VPS13A: variants seen among roughly 807,000 people sequenced by gnomAD.
VPS13A encodes the protein vacuolar protein sorting 13 homolog A.
A neutral mutation model predicts 390.9 loss-of-function variants in VPS13A; 264 were observed. The observed-to-expected ratio is 0.68, with a 90% CI of 0.61 to 0.75. The LOEUF (loss-of-function observed/expected upper bound fraction) is 0.75, where lower values mean the gene tolerates loss of function less well. Among genes scored for constraint, VPS13A ranks in the 30% least tolerant of loss-of-function variants. The probability of loss-of-function intolerance (pLI) is 0.00; values close to 1 mark genes in which losing one functional copy is unlikely to be tolerated. For missense variants in VPS13A, 3,409 were observed against 3,733.9 expected (o/e 0.91, Z 2.27); for synonymous variants, 1,231 against 1,227.1 (o/e 1.00, Z -0.07).
chr9:77,222,154 T>C (rs1182448311), intron 13 of VPS13A, among the ~76,000 whole-genome samples: 1 of 152,130 alleles, frequency 6.6e-6, no homozygotes, highest in African/African-American at 2.4e-5. Flanking sequence ...GATTGACTTT[T>C]ACTTTTATTT....
chr9:77,285,977 C>T (rs1827299917), intron 31 of VPS13A, among the ~76,000 whole-genome samples: 1 of 152,178 alleles, frequency 6.6e-6, no homozygotes, highest in Non-Finnish European at 1.5e-5. Flanking sequence ...TAACATGTTA[C>T]TGTATCCTGT....
At chr9:77,234,363 T>C (rs1824010287) in intron 17 of VPS13A, among the ~76,000 whole-genome samples, 1 of 152,130 alleles carries the variant, frequency 6.6e-6, no homozygotes, top group Non-Finnish European at 1.5e-5. Flanking sequence ...TATATGTTAG[T>C]ATAACCACCC....
In VPS13A at chr9:77,295,820, A is replaced by G; in HGVS notation, c.3786A>G (p.Ile1262Met). ...SPPPVIDLITIKLSEMRLYRS... is the reference protein window; with the variant it reads ...SPPPVIDLITMKLSEMRLYRS... ...CACCTGTTATTGATTTGATAACAATAAAGCTGAGTGAAATGCGACTATACA... is the reference window on the plus strand; with the variant it reads ...CACCTGTTATTGATTTGATAACAATGAAGCTGAGTGAAATGCGACTATACA... Residue 1262 changes from isoleucine (I) to methionine (M), a missense_variant, in exon 33 of 72, where the codon ATA becomes ATG. Physicochemically the swap from Ile to Met is conservative, Grantham distance 10. This residue lies in a region of VPS13A where 2,717 missense variants were observed against 2,917.4 expected (regional missense o/e 0.93). Coordinates refer to ENST00000360280, the MANE Select transcript of VPS13A (RefSeq NM_033305.3). 1 of 1,613,970 alleles carries G rather than the reference A, an allele frequency of 6.2e-7. No homozygotes were observed. The highest frequency in any genetic ancestry group is 8.5e-7 in the Non-Finnish European group (1 of 1,179,924).
At chr9:77,306,414 T>TTGTGTGTGTGTGTGTGTGTGTG (rs60382346) in intron 34 of VPS13A, among the ~76,000 whole-genome samples, 1 of 140,782 alleles carries the variant, frequency 7.1e-6, no homozygotes, top group East Asian at 2.1e-4. Context: ...GTGTGTGTGT[T>TTGTGTGTGTGTGTGTGTGTGTG]TGTGTGTGTG....
chr9:77,345,182 G>GGCACA, intron 52 of VPS13A, 40 bp downstream of exon 52: 1 of 1,603,850 alleles, frequency 6.2e-7, no homozygotes, highest in Non-Finnish European at 8.5e-7. Context: ...GATGGTGTAA[G>GGCACA]TCTAGATGAT....
intron 33 of VPS13A, among the ~76,000 whole-genome samples, chr9:77,302,710 A>C (rs552417905): frequency 2.0e-5 from 3 of 152,216 alleles, no homozygotes; most frequent in Non-Finnish European, 4.4e-5. Flanking sequence ...AGCTCAGTGT[A>C]AGTCACCCAG....
intron 71 of VPS13A, among the ~76,000 whole-genome samples, chr9:77,411,891 A>G (rs1304798737): frequency 1.3e-5 from 2 of 152,064 alleles, no homozygotes; most frequent in Non-Finnish European, 2.9e-5. Context: ...AATAGATGCA[A>G]TAAAAAATGA....
chr9:77,265,949 T>G (rs1487420940), intron 23 of VPS13A, among the ~76,000 whole-genome samples: 1 of 152,194 alleles, frequency 6.6e-6, no homozygotes, highest in Non-Finnish European at 1.5e-5. Context: ...TGCTATAAAT[T>G]TTCCTCTAAA....
intron 22 of VPS13A, among the ~76,000 whole-genome samples, chr9:77,254,384 T>C (rs1211388070): frequency 6.6e-6 from 1 of 152,272 alleles, no homozygotes; most frequent in African/African-American, 2.4e-5. Context: ...CTTTCTGTTT[T>C]ATTCCATTGG....
Position 77,375,591 on chromosome 9 carries a change from C to T in VPS13A, c.9077+4442C>T, listed in dbSNP as rs564534280. ...ATAGTAACAATTTCAAACTTCTACT[C>T]AGTTCATAAAATAGCCTTAATTTTT... On this transcript the variant is annotated intron_variant, in intron 67 of 71. Coordinates refer to ENST00000360280, the MANE Select transcript of VPS13A (RefSeq NM_033305.3). Among the ~76,000 whole-genome samples the T allele has an allele frequency of 2.0e-5, 3 of 152,254 alleles. No individual in the cohort carries two copies. The South Asian group carries it at 6.2e-4, about 32-fold the overall frequency.
At chr9:77,262,356 G>A (rs1319599648) in intron 23 of VPS13A, among the ~76,000 whole-genome samples, 3 of 151,848 alleles carry the variant, frequency 2.0e-5, no homozygotes, top group African/African-American at 7.3e-5. Context: ...GGTAACAGGG[G>A]GTTCTTTACT....
rs1374300802 is a variant in VPS13A at position 77,353,492 on chromosome 9, C to A, written c.7503C>A (p.Phe2501Leu). Reference sequence around the variant, plus strand: ...AAGGTTTACAACGCATTATTTTATTCACTGAAGATCCAAGGGTATTTAAAG... The same window carrying A: ...AAGGTTTACAACGCATTATTTTATTAACTGAAGATCCAAGGGTATTTAAAG... ...FFEGLQRIIL[F>L]TEDPRVFKVT... Residue 2501 changes from phenylalanine to leucine, a missense_variant, in exon 54 of 72, where the codon TTC (phenylalanine) becomes TTA (leucine). Phe to Leu is a conservative substitution (Grantham distance 22). Around this residue, in one of 5 missense-constraint regions of VPS13A, gnomAD observed 221 missense variants for 300.7 expected, o/e 0.73. Transcript: ENST00000360280. 1 of 1,607,244 alleles carries A rather than the reference C, an allele frequency of 6.2e-7. No homozygotes were observed. The highest frequency in any genetic ancestry group is 8.5e-7 in the Non-Finnish European group (1 of 1,177,070).
intron 68 of VPS13A, chr9:77,385,022 C>A: frequency 9.7e-7 from 1 of 1,027,312 alleles, no homozygotes. Flanking sequence ...TATTTGTTAG[C>A]AAAATGCCTT....
Position 77,237,994 on chromosome 9 carries a change from TA to T in VPS13A, c.1596-6del. ...ATCGCTGACTTTTTTCTTTTTTTTT[TA>T]ATGCAGATTTGAAACTAAAATAGAT... On this transcript the variant is annotated splice_polypyrimidine_tract_variant and splice_region_variant and intron_variant, in intron 17 of 71. Coordinates refer to ENST00000360280, the MANE Select transcript of VPS13A (RefSeq NM_033305.3). The T allele has an allele frequency of 6.3e-7, 1 of 1,581,322 alleles. No homozygotes were observed. The highest frequency in any genetic ancestry group is 1.1e-5 in the South Asian group (1 of 87,704).
chr9:77,275,958 T>G, intron 25 of VPS13A, 107 bp from the exon 26 acceptor site: 1 of 1,162,668 alleles, frequency 8.6e-7, no homozygotes, highest in Non-Finnish European at 1.2e-6. Flanking sequence ...TTTTAAATAA[T>G]AATATATCAA....
At chr9:77,295,411 T>G (rs1827924021) in intron 32 of VPS13A, 131 bp from the exon 33 acceptor site, 3 of 743,756 alleles carry the variant, frequency 4.0e-6, no homozygotes, top group Non-Finnish European at 5.9e-6. Context: ...AGTAAGATTT[T>G]GAATAAATAA....
intron 68 of VPS13A, among the ~76,000 whole-genome samples, chr9:77,398,630 CTT>C (rs1314706509): frequency 2.6e-5 from 4 of 152,098 alleles, no homozygotes; most frequent in Non-Finnish European, 5.9e-5. Context: ...CATTTGTAGA[CTT>C]TTTACAGCGT....
At chr9:77,283,284 C>G in intron 29 of VPS13A, 71 bp from the exon 30 acceptor site, 1 of 886,392 alleles carries the variant, frequency 1.1e-6, no homozygotes. Context: ...ATTTCAGTTA[C>G]TTTATAAGTA....
intron 22 of VPS13A, among the ~76,000 whole-genome samples, chr9:77,257,832 C>T (rs1825534982): frequency 6.6e-6 from 1 of 152,080 alleles, no homozygotes; most frequent in Non-Finnish European, 1.5e-5. Context: ...CTGTTTTGCC[C>T]CCTCCAGTTT....
Sources: allele counts gnomAD v4.1 joint callset (sites outside exome capture counted in the v4.1 genomes callset), GRCh38; gene constraint gnomAD v4.1.1; regional missense constraint gnomAD v4.1.1; transcripts MANE v1.5; gene names NCBI Gene and HGNC (gene_info 2026-07-23, HGNC 2026-07-21).